KCNQ1OT1: variants seen among roughly 807,000 people sequenced by gnomAD.
The protein encoded by KCNQ1OT1 is KCNQ1 antisense RNA 2 (non-protein coding).
chr11:2,637,712 G>A (rs914026876), exon 1 of KCNQ1OT1: 7 of 152,212 alleles, frequency 4.6e-5, no homozygotes, highest in Non-Finnish European at 8.8e-5. Flanking sequence ...ACTTGGTGCA[G>A]AGCTGAGTTC....
chr11:2,637,299 G>C (rs1849487496), exon 1 of KCNQ1OT1: 1 of 152,086 alleles, frequency 6.6e-6, no homozygotes, highest in Admixed American at 6.6e-5. Flanking sequence ...GATTTTTCCT[G>C]CTTTCTCTTG....
In KCNQ1OT1 at chr11:2,695,476, A is replaced by C. The variant is rs185495897; in HGVS notation, n.4519T>G. 2.5e-6 allele frequency: 1 copy of C among 398,518 alleles called. No homozygotes were observed. Among genetic ancestry groups the C allele is most frequent in the East Asian group, 3.6e-5 (1 of 28,080 alleles). The allele number at this position is 398,518 out of a possible 1,614,324, so 24.7% of individuals were successfully genotyped here. ...CAGCACTGTGTTTCCACGCGTCTCTATCTTGTGAAGTGTACATCTAGTCCC... is the reference window on the plus strand; with the variant it reads ...CAGCACTGTGTTTCCACGCGTCTCTCTCTTGTGAAGTGTACATCTAGTCCC... On this transcript the variant is annotated non_coding_transcript_exon_variant, in exon 1 of 1. Coordinates refer to ENST00000597346, the Ensembl canonical transcript of KCNQ1OT1. This position sits in a 1 kb window ranked among gnomAD's most constrained non-coding sequence, Gnocchi z 5.2.
At chr11:2,618,144 T>C (rs993973052) in exon 1 of KCNQ1OT1, 2 of 398,366 alleles carry the variant, frequency 5.0e-6, no homozygotes, top group Non-Finnish European at 8.8e-6. Flanking sequence ...CTTCTGGTTG[T>C]GGGTTTTGGT....
chr11:2,640,355 C>T, exon 1 of KCNQ1OT1: 1 of 398,586 alleles, frequency 2.5e-6, no homozygotes, highest in Non-Finnish European at 4.4e-6. Flanking sequence ...GGAACCACCC[C>T]ACTTACTGCA....
exon 1 of KCNQ1OT1, chr11:2,667,429 C>A (rs967967074): frequency 2.5e-6 from 1 of 398,618 alleles, no homozygotes; most frequent in Non-Finnish European, 4.4e-6. Flanking sequence ...GAACTCCCAG[C>A]CATGATGCTG....
chr11:2,651,259 G>A lies in KCNQ1OT1; in HGVS notation n.48736C>T, dbSNP rs576671282. ...CAGCTTAATTCAGGAATTAAGCTGT[G>A]CTGGTCACTTATTGAGAAAGAGCTT... On this transcript the variant is annotated non_coding_transcript_exon_variant, in exon 1 of 1. Transcript: ENST00000597346. This position sits in a 1 kb window ranked among gnomAD's most constrained non-coding sequence, Gnocchi z 6.1. The A allele has an allele frequency of 2.5e-6, 1 of 398,694 alleles. No homozygotes were observed. The highest frequency in any genetic ancestry group is 1.3e-4 in the South Asian group (1 of 7,848). 24.7% of individuals were successfully genotyped at this position (398,694 alleles called of 1,614,324 possible).
chr11:2,674,130 C>A lies in KCNQ1OT1; in HGVS notation n.25865G>T. 1 of 398,568 alleles carries A rather than the reference C, an allele frequency of 2.5e-6. No homozygotes were observed. Among genetic ancestry groups the A allele is most frequent in the Non-Finnish European group, 4.4e-6 (1 of 226,128 alleles). The allele number at this position is 398,568 out of a possible 1,614,324, so 24.7% of individuals were successfully genotyped here. On this transcript the variant is annotated non_coding_transcript_exon_variant, in exon 1 of 1. Coordinates refer to ENST00000597346, the Ensembl canonical transcript of KCNQ1OT1. This position sits in a 1 kb window ranked among gnomAD's most constrained non-coding sequence, Gnocchi z 5.9. Reference sequence around the variant, plus strand: ...AGGTGTGGAAGCTGGTTTGCCGGGGCCACCCAGTGTGGGCTCAGGAAGGGA... The same window carrying A: ...AGGTGTGGAAGCTGGTTTGCCGGGGACACCCAGTGTGGGCTCAGGAAGGGA...
exon 1 of KCNQ1OT1, chr11:2,633,032 A>C (rs1217518301): frequency 7.5e-6 from 3 of 398,482 alleles, no homozygotes; most frequent in Non-Finnish European, 1.3e-5. Flanking sequence ...ATAGTCCCAC[A>C]AATAGTGTAT....
exon 1 of KCNQ1OT1, chr11:2,667,400 C>A: frequency 2.5e-6 from 1 of 398,744 alleles, no homozygotes; most frequent in East Asian, 3.6e-5. Flanking sequence ...TCTGGCCAGG[C>A]TCAGCCCTCT....
chr11:2,641,069 T>A (rs1336133535), exon 1 of KCNQ1OT1: 1 of 398,438 alleles, frequency 2.5e-6, no homozygotes, highest in Admixed American at 4.4e-5. Flanking sequence ...TATCCACTGA[T>A]GTACACTTAG....
exon 1 of KCNQ1OT1, chr11:2,699,306 G>A (rs1246874638): frequency 7.5e-6 from 3 of 398,898 alleles, no homozygotes; most frequent in African/African-American, 6.2e-5. Context: ...GATCTGGGAC[G>A]GCCGCGGGGC....
At chr11:2,618,235 C>T (rs926161754) in exon 1 of KCNQ1OT1, 8 of 398,228 alleles carry the variant, frequency 2.0e-5, no homozygotes, top group African/African-American at 6.2e-5. Flanking sequence ...TTTGGCTTCC[C>T]GGGGCCACAC....
Position 2,687,195 on chromosome 11 carries a change from G to T in KCNQ1OT1, n.12800C>A. 2.5e-6 allele frequency: 1 copy of T among 398,644 alleles called. No individual in the cohort carries two copies. The highest frequency in any genetic ancestry group is 1.3e-4 in the South Asian group (1 of 7,842). The allele number at this position is 398,644 out of a possible 1,614,324, so 24.7% of individuals were successfully genotyped here. A position where few individuals can be genotyped will look rare whatever the true frequency, so the allele number is the denominator to read the frequency against. On this transcript the variant is annotated non_coding_transcript_exon_variant, in exon 1 of 1. Transcript: ENST00000597346. The surrounding 1 kb of genome is among the most constrained non-coding windows in gnomAD (Gnocchi z 5.0). ...GTCTGCCAAAAGCCCAGGCTGGATAGGGAGCATCACACTGTTGGGAAATGT... is the reference window on the plus strand; with the variant it reads ...GTCTGCCAAAAGCCCAGGCTGGATATGGAGCATCACACTGTTGGGAAATGT...
chr11:2,622,867 A>G (rs1439787651), exon 1 of KCNQ1OT1: 4 of 398,508 alleles, frequency 1.0e-5, no homozygotes, highest in Middle Eastern at 6.2e-4. Flanking sequence ...CAACTTATGA[A>G]TCTGCATTTA....
chr11:2,652,276 C>G lies in KCNQ1OT1; in HGVS notation n.47719G>C. The G allele has an allele frequency of 2.5e-6, 1 of 398,626 alleles. No individual in the cohort carries two copies. The allele number at this position is 398,626 out of a possible 1,614,324, so 24.7% of individuals were successfully genotyped here. A position where few individuals can be genotyped will look rare whatever the true frequency, so the allele number is the denominator to read the frequency against. ...TTAAACATTCTGAGAACATCTGCAC[C>G]GGTTTCCAAGGCTTCTCCCTCACTA... is the stretch of plus-strand genomic sequence containing the variant. On this transcript the variant is annotated non_coding_transcript_exon_variant, in exon 1 of 1. Transcript: ENST00000597346. This position sits in a 1 kb window ranked among gnomAD's most constrained non-coding sequence, Gnocchi z 5.9.
At chr11:2,646,853 C>G (rs186627326) in exon 1 of KCNQ1OT1, 1 of 398,508 alleles carries the variant, frequency 2.5e-6, no homozygotes, top group Non-Finnish European at 4.4e-6. Flanking sequence ...TATCCTGCAA[C>G]TTTATTGAAT....
rs1849212129 is a variant in KCNQ1OT1 at position 2,623,652 on chromosome 11, T to C, written n.76343A>G. 6 of 398,474 alleles carry C rather than the reference T, an allele frequency of 1.5e-5. No individual in the cohort carries two copies. The Admixed American group carries it at 2.6e-4, about 18-fold the overall frequency. The allele number at this position is 398,474 out of a possible 1,614,324, so 24.7% of individuals were successfully genotyped here. A position where few individuals can be genotyped will look rare whatever the true frequency, so the allele number is the denominator to read the frequency against. On this transcript the variant is annotated non_coding_transcript_exon_variant, in exon 1 of 1. Coordinates refer to ENST00000597346, the Ensembl canonical transcript of KCNQ1OT1. The surrounding 1 kb of genome is among the most constrained non-coding windows in gnomAD (Gnocchi z 5.2). ...ATTTCATTGCCTGGATGTACTACAG[T>C]TTATCTGTCTACTCACCTATGGAAG... is the stretch of plus-strand genomic sequence containing the variant.
At chr11:2,609,449 T>C in exon 1 of KCNQ1OT1, 1 of 398,456 alleles carries the variant, frequency 2.5e-6, no homozygotes. Context: ...CATATGGTCC[T>C]TCTTGGAGAA....
chr11:2,673,477 T>A lies in KCNQ1OT1; in HGVS notation n.26518A>T. The stretch of plus-strand genomic sequence containing the variant: ...TTGAGCCGGAACACCTGAAAAGCCA[T>A]ACAGACTCCTGCTCATCACAACCAC... On this transcript the variant is annotated non_coding_transcript_exon_variant, in exon 1 of 1. Transcript: ENST00000597346. This position sits in a 1 kb window ranked among gnomAD's most constrained non-coding sequence, Gnocchi z 4.5. The A allele has an allele frequency of 2.5e-6, 1 of 398,638 alleles. No individual in the cohort carries two copies. Among genetic ancestry groups the A allele is most frequent in the Middle Eastern group, 6.3e-4 (1 of 1,588 alleles). The allele number at this position is 398,638 out of a possible 1,614,324, so 24.7% of individuals were successfully genotyped here.
Sources: gnomAD v4.1 joint callset for allele counts on GRCh38, gnomAD v4.1.1 for gene constraint, Gnocchi (gnomAD v3.1) non-coding constraint, MANE v1.5 for transcripts, NCBI Gene and HGNC (gene_info 2026-07-23, HGNC 2026-07-21) for gene names.